TNRC6A: variants seen among roughly 807,000 people sequenced by gnomAD.
TNRC6A encodes the protein trinucleotide repeat-containing gene 6A protein.
Under a neutral mutation model 221.2 loss-of-function variants are expected in TNRC6A, and 44 were observed. The ratio of observed to expected loss-of-function variants is 0.20; its 90% CI spans 0.16 to 0.26. The LOEUF (loss-of-function observed/expected upper bound fraction) is 0.26, where lower values mean the gene tolerates loss of function less well. Ranked by LOEUF, TNRC6A falls within the 10% of genes least tolerant of loss-of-function variation. TNRC6A has a pLI of 1.00. For missense variants in TNRC6A, 2,199 were observed against 2,404.4 expected, an observed-to-expected ratio of 0.91 and a Z score of 1.79; for synonymous variants, 847 against 838.5, an observed-to-expected ratio of 1.01 and a Z score of -0.18.
chr16:24,643,116 T>C (rs1902077309), intron 2 of TNRC6A, among the ~76,000 whole-genome samples: 1 of 134,690 alleles, frequency 7.4e-6, no homozygotes, highest in African/African-American at 2.8e-5. Flanking sequence ...ATAAAATATA[T>C]ATATATAAAA....
Position 24,777,083 on chromosome 16 carries a change from A to C in TNRC6A, c.314A>C (p.Gln105Pro). 6.2e-7 allele frequency: 1 copy of C among 1,607,350 alleles called. No individual in the cohort carries two copies. The highest frequency in any genetic ancestry group is 8.5e-7 in the Non-Finnish European group (1 of 1,175,712). Reference sequence around the variant, plus strand: ...CAGCAGCAGCAACAGCAGCAGCCGCAGCAGCAGCAGCCACAGCAGCAGCCA... The same window carrying C: ...CAGCAGCAGCAACAGCAGCAGCCGCCGCAGCAGCAGCCACAGCAGCAGCCA... ...PQQQQQQQQP[Q>P]QQQPQQQPQP... Residue 105 changes from glutamine (Q) to proline (P), a missense_variant, in exon 5 of 25, where the codon CAG (glutamine) becomes CCG (proline). Physicochemically the swap from Gln to Pro is moderately conservative, Grantham distance 76 (BLOSUM62 -1). This residue lies in a region of TNRC6A where 1,405 missense variants were observed against 1,400.2 expected (regional missense o/e 1.00). Coordinates refer to ENST00000395799, the MANE Select transcript of TNRC6A (RefSeq NM_014494.4).
chr16:24,642,424 G>T lies in TNRC6A; in HGVS notation n.402+1415G>T, dbSNP rs1168745105. 3.3e-5 allele frequency among the ~76,000 whole-genome samples: 5 copies of T among 152,176 alleles called. No individual in the cohort carries two copies. In the East Asian group the frequency reaches 9.6e-4, roughly 29 times the overall value. ...TTCAAGGGACATTTCCAGCCTCTGG[G>T]AGGAGTAGGTTATATCCCATGCAAG... On this transcript the variant is annotated intron_variant and non_coding_transcript_variant, in intron 2 of 2. Coordinates refer to the TNRC6A transcript ENST00000566108.
chr16:24,724,390 A>G (rs188730758), intron 2 of TNRC6A, among the ~76,000 whole-genome samples: 174 of 152,346 alleles, frequency 1.1e-3, no homozygotes, highest in African/African-American at 4.1e-3. Context: ...ATATTTGTGA[A>G]GCACTTAGAA....
intron 2 of TNRC6A, among the ~76,000 whole-genome samples, chr16:24,745,013 T>C (rs1286967851): frequency 3.3e-5 from 5 of 152,324 alleles, no homozygotes; most frequent in South Asian, 4.1e-4. Context: ...CTGCATAATA[T>C]TCCATTTTAT....
intron 2 of TNRC6A, among the ~76,000 whole-genome samples, chr16:24,720,907 T>G (rs2056399616): frequency 6.7e-6 from 1 of 149,918 alleles, no homozygotes; most frequent in African/African-American, 2.5e-5. Flanking sequence ...ACAAAAAAAT[T>G]AGCCAGGCAT....
At chr16:24,803,245 C>G (rs111683474) in intron 11 of TNRC6A, among the ~76,000 whole-genome samples, 3 of 151,904 alleles carry the variant, frequency 2.0e-5, no homozygotes, top group African/African-American at 7.2e-5. Flanking sequence ...ATGGGGAAAC[C>G]CTGTCTCTAC....
chr16:24,718,229 A>G (rs2056350394), intron 2 of TNRC6A, among the ~76,000 whole-genome samples: 1 of 152,238 alleles, frequency 6.6e-6, no homozygotes, highest in Non-Finnish European at 1.5e-5. Context: ...AAAATGAGTT[A>G]TCTCACGAGA....
At chr16:24,666,698 AGGGGCAG>A (rs2055179479) in intron 2 of TNRC6A, among the ~76,000 whole-genome samples, 1 of 135,218 alleles carries the variant, frequency 7.4e-6, no homozygotes. Flanking sequence ...TACATATGGC[AGGGGCAG>A]GGGCAGTGGT....
At chr16:24,792,718 ATTG>A (rs1301292432) in intron 6 of TNRC6A, among the ~76,000 whole-genome samples, 1 of 125,240 alleles carries the variant, frequency 8.0e-6, no homozygotes, top group African/African-American at 3.1e-5. Flanking sequence ...GTGACCCATT[ATTG>A]TTAGCTGGGT....
At chr16:24,654,210 C>G (rs755541212) in intron 2 of TNRC6A, among the ~76,000 whole-genome samples, 1 of 152,102 alleles carries the variant, frequency 6.6e-6, no homozygotes, top group Non-Finnish European at 1.5e-5. Flanking sequence ...ACAGGTGTGA[C>G]CCACTGCACT....
rs1555495622 is a variant in TNRC6A, at chr16:24,729,684, T to TCGGCGGTGTCGG, written c.-152_-151insTGTCGGCGGCGG. 64 of 630,278 alleles carry TCGGCGGTGTCGG rather than the reference T, an allele frequency of 1.0e-4. No individual in the cohort carries two copies. The highest frequency in any genetic ancestry group is 5.2e-4 in the Middle Eastern group (1 of 1,940). The allele number at this position is 630,278 out of a possible 1,614,324, so 39.0% of individuals were successfully genotyped here. A position where few individuals can be genotyped will look rare whatever the true frequency, so the allele number is the denominator to read the frequency against. Reference sequence around the variant, plus strand: ...TCTGGGGCCTGCGGCGGCGGCGGTGTCGGCGGCGGCGGCGGCGGCGGCGGC... The same window carrying TCGGCGGTGTCGG: ...TCTGGGGCCTGCGGCGGCGGCGGTGTCGGCGGTGTCGGCGGCGGCGGCGGCGGCGGCGGCGGC... On this transcript the variant is annotated 5_prime_UTR_variant, in exon 1 of 25. Transcript: ENST00000395799.
chr16:24,708,890 G>A (rs144788279), intron 2 of TNRC6A, among the ~76,000 whole-genome samples: 3 of 151,928 alleles, frequency 2.0e-5, no homozygotes, highest in South Asian at 4.1e-4. Flanking sequence ...TTCTTTATCC[G>A]CTGATTGGTC....
chr16:24,615,615 T>G (rs1900301644), intron 1 of TNRC6A, among the ~76,000 whole-genome samples: 1 of 152,158 alleles, frequency 6.6e-6, no homozygotes, highest in South Asian at 2.1e-4. Context: ...AGTGACCAAC[T>G]GGGTTGAATG....
intron 2 of TNRC6A, among the ~76,000 whole-genome samples, chr16:24,713,104 T>G (rs543890958): frequency 5.1e-4 from 78 of 152,190 alleles, no homozygotes; most frequent in South Asian, 2.3e-3. Flanking sequence ...ATTTTCAATT[T>G]TGAAAGTACT....
At chr16:24,764,304 T>C (rs1363702925) in intron 4 of TNRC6A, among the ~76,000 whole-genome samples, 1 of 151,994 alleles carries the variant, frequency 6.6e-6, no homozygotes, top group Middle Eastern at 3.2e-3. Context: ...TTTGTATATA[T>C]TTGCCACAAT....
At chr16:24,682,626 T>C (rs2055554803) in intron 2 of TNRC6A, among the ~76,000 whole-genome samples, 1 of 152,036 alleles carries the variant, frequency 6.6e-6, no homozygotes, top group Non-Finnish European at 1.5e-5. Flanking sequence ...CCCCTATGCC[T>C]GAAAGGCCAA....
intron 4 of TNRC6A, among the ~76,000 whole-genome samples, chr16:24,770,084 TGG>T (rs1290398072): frequency 6.6e-6 from 1 of 152,152 alleles, no homozygotes; most frequent in Non-Finnish European, 1.5e-5. Context: ...ACGCCCAGTC[TGG>T]GGGTGGGGGA....
At chr16:24,783,751 T>C (rs1319386064) in intron 5 of TNRC6A, among the ~76,000 whole-genome samples, 1 of 152,198 alleles carries the variant, frequency 6.6e-6, no homozygotes, top group African/African-American at 2.4e-5. Flanking sequence ...AGATTAACTA[T>C]TTCTCATTAT....
At chr16:24,614,059 T>C (rs1366658982) in intron 1 of TNRC6A, among the ~76,000 whole-genome samples, 1 of 152,184 alleles carries the variant, frequency 6.6e-6, no homozygotes, top group Non-Finnish European at 1.5e-5. Context: ...GTATAGATAG[T>C]CTGCTGGCAG....
Sources: allele counts gnomAD v4.1 joint callset (sites outside exome capture counted in the v4.1 genomes callset), GRCh38; gene constraint gnomAD v4.1.1; regional missense constraint gnomAD v4.1.1; transcripts MANE v1.5; gene names NCBI Gene and HGNC (gene_info 2026-07-23, HGNC 2026-07-21).